EFCAB8: variants seen among roughly 807,000 people sequenced by gnomAD.
The protein encoded by EFCAB8 is EF-hand calcium binding domain 8.
Under a neutral mutation model 116.3 loss-of-function variants are expected in EFCAB8, and 100 were observed. That is an observed-to-expected ratio of 0.86 (90% CI 0.73 to 1.02). The LOEUF (loss-of-function observed/expected upper bound fraction) is 1.02, where lower values mean the gene tolerates loss of function less well. Ranked by LOEUF, EFCAB8 falls within the 50% of genes least tolerant of loss-of-function variation. EFCAB8 has a pLI of 0.00. For synonymous variants in EFCAB8, 558 were observed against 567.9 expected, an observed-to-expected ratio of 0.98 and a Z score of 0.25; for missense variants, 1,320 against 1,416.9, an observed-to-expected ratio of 0.93 and a Z score of 1.10.
rs117150601 is a variant in EFCAB8, at chr20:32,872,041, C to T, written c.209-3885C>T. On this transcript the variant is annotated intron_variant, in intron 3 of 26. Transcript: ENST00000400522. ...TGCTTAAGCACCTTGGCTGTAACTCCAGATAAACAAGATGGGTCCCTCTTT... is the reference window on the plus strand; with the variant it reads ...TGCTTAAGCACCTTGGCTGTAACTCTAGATAAACAAGATGGGTCCCTCTTT... Among the ~76,000 whole-genome samples, 8 of 152,302 alleles carry T rather than the reference C, an allele frequency of 5.3e-5. 1 individual carries two copies. The highest frequency in any genetic ancestry group is 1.2e-4 in the Non-Finnish European group (8 of 68,038).
chr20:32,904,438 C>T (rs1986576953), intron 11 of EFCAB8, among the ~76,000 whole-genome samples: 1 of 149,276 alleles, frequency 6.7e-6, no homozygotes, highest in Non-Finnish European at 1.5e-5. Context: ...GTATTTGGGA[C>T]TGCAGGTGCA....
At chr20:32,910,467 C>T (rs1309150907) in intron 15 of EFCAB8, among the ~76,000 whole-genome samples, 1 of 152,038 alleles carries the variant, frequency 6.6e-6, no homozygotes, top group Non-Finnish European at 1.5e-5. Flanking sequence ...CTGCCTGAGG[C>T]CCTCTGCTCA....
At chr20:32,954,647 G>A (rs1988907561) in intron 23 of EFCAB8, among the ~76,000 whole-genome samples, 1 of 152,112 alleles carries the variant, frequency 6.6e-6, no homozygotes, top group Non-Finnish European at 1.5e-5. Context: ...TAGAGATTTT[G>A]GCTTTTAATT....
At chr20:32,944,407 G>A (rs926446323) in intron 23 of EFCAB8, among the ~76,000 whole-genome samples, 5 of 152,110 alleles carry the variant, frequency 3.3e-5, no homozygotes, top group African/African-American at 1.2e-4. Context: ...AGAGGTTGCA[G>A]TGAGCTGAGA....
chr20:32,863,013 T>C, intron 1 of EFCAB8, among the ~76,000 whole-genome samples: 1 of 21,616 alleles, frequency 4.6e-5, no homozygotes, highest in African/African-American at 2.0e-4. Context: ...TGCTGCCAAT[T>C]TTTTTTTTTT....
intron 11 of EFCAB8, among the ~76,000 whole-genome samples, chr20:32,902,449 CAA>C (rs1986471929): frequency 6.6e-6 from 1 of 152,130 alleles, no homozygotes; most frequent in Non-Finnish European, 1.5e-5. Context: ...TCAAAAAAAA[CAA>C]AAGACTCCAT....
At position 32,912,782 on chromosome 20, in the gene EFCAB8, C is replaced by A; in HGVS notation, c.1786-12C>A. On this transcript the variant is annotated splice_polypyrimidine_tract_variant and intron_variant, in intron 16 of 26. Coordinates refer to ENST00000400522, the MANE Select transcript of EFCAB8 (RefSeq NM_001143967.2). ...TAAGTTTTCTAGTTCTGTTTTCTTT[C>A]ATCTTCAACAGATTAGTGGGATTAT... 1 of 718,536 alleles carries A rather than the reference C, an allele frequency of 1.4e-6. No homozygotes were observed. Among genetic ancestry groups the A allele is most frequent in the Non-Finnish European group, 2.6e-6 (1 of 385,066 alleles). 44.5% of individuals were successfully genotyped at this position (718,536 alleles called of 1,614,324 possible).
intron 7 of EFCAB8, among the ~76,000 whole-genome samples, chr20:32,890,093 C>T (rs562552569): frequency 1.3e-5 from 2 of 152,106 alleles, no homozygotes; most frequent in South Asian, 2.1e-4. Context: ...CTGCAGAAAG[C>T]CTTCACCCTA....
At position 32,909,915 on chromosome 20, in the gene EFCAB8, G is replaced by T; in HGVS notation, c.1541G>T (p.Ser514Ile). 8.0e-7 allele frequency: 1 copy of T among 1,249,784 alleles called. No individual in the cohort carries two copies. Among genetic ancestry groups the T allele is most frequent in the Non-Finnish European group, 1.0e-6 (1 of 988,218 alleles). The allele number at this position is 1,249,784 out of a possible 1,614,324, so 77.4% of individuals were successfully genotyped here. A position where few individuals can be genotyped will look rare whatever the true frequency, so the allele number is the denominator to read the frequency against. The change falls in exon 15 of 27, where the codon AGC becomes ATC. Residue 514 changes from serine to isoleucine, a missense_variant. Ser to Ile is a moderately radical substitution (Grantham distance 142). Transcript: ENST00000400522. ...HCSPLCAVLY[S>I]KIFKQVVSGC... The stretch of plus-strand genomic sequence containing the variant: ...TCACCCCTGTGTGCTGTCCTCTACA[G>T]CAAGATCTTTAAGCAGGTGAGTGGC...
intron 11 of EFCAB8, among the ~76,000 whole-genome samples, chr20:32,898,939 C>CACGT (rs1986294231): frequency 6.6e-6 from 1 of 152,192 alleles, no homozygotes; most frequent in Non-Finnish European, 1.5e-5. Flanking sequence ...GGTGTGAAAG[C>CACGT]ACGTACCTCA....
chr20:32,884,025 T>C (rs1985481893), intron 5 of EFCAB8, among the ~76,000 whole-genome samples: 1 of 152,180 alleles, frequency 6.6e-6, no homozygotes, highest in Non-Finnish European at 1.5e-5. Flanking sequence ...CGTGAGCCAC[T>C]CTGCCCGGTC....
At chr20:32,914,006 A>G (rs1425084025) in intron 17 of EFCAB8, among the ~76,000 whole-genome samples, 1 of 152,188 alleles carries the variant, frequency 6.6e-6, no homozygotes, top group Non-Finnish European at 1.5e-5. Flanking sequence ...TGGTGGCTCT[A>G]TGCCTGGGCC....
In EFCAB8 at chr20:32,891,300, T is replaced by G. The variant is rs147292754; in HGVS notation, c.674-913T>G. 2.9e-3 allele frequency among the ~76,000 whole-genome samples: 436 copies of G among 152,318 alleles called. 3 individuals are homozygous for G. The highest frequency in any genetic ancestry group is 9.8e-3 in the African/African-American group (409 of 41,568). On this transcript the variant is annotated intron_variant, in intron 7 of 26. Transcript: ENST00000400522. ...AAAATATTGAATTCTGGTTCGATGA[T>G]GGGCTGGACCTGGTCTGCTGGGCCC...
intron 22 of EFCAB8, among the ~76,000 whole-genome samples, chr20:32,939,127 CTTTCTTTCTTT>C (rs1568941475): frequency 0.057 from 1,984 of 34,508 alleles, 200 homozygotes; most frequent in African/African-American, 0.087. Context: ...CTTTCTTTCT[CTTTCTTTCTTT>C]CTTTCTTTCT....
Position 32,911,488 on chromosome 20 carries a change from T to A in EFCAB8, c.1566T>A (p.Ser522Arg). ...CTGTGTGCTCCCTACAGGTGGTGAGTGGCTGCCTGCGCGGCACAGTGAGTG... is the reference window on the plus strand; with the variant it reads ...CTGTGTGCTCCCTACAGGTGGTGAGAGGCTGCCTGCGCGGCACAGTGAGTG... ...LYSKIFKQVVSGCLRGTVSVW... is the reference protein window; with the variant it reads ...LYSKIFKQVVRGCLRGTVSVW... The change falls in exon 16 of 27, where the codon AGT (serine) becomes AGA (arginine). Residue 522 changes from serine (S) to arginine (R), a missense_variant. By Grantham distance (110) the Ser-to-Arg change is moderately radical. Transcript: ENST00000400522. 2.0e-6 allele frequency: 3 copies of A among 1,487,416 alleles called. No homozygotes were observed. In the African/African-American group the frequency reaches 4.2e-5, roughly 21 times the overall value. 92.1% of individuals were successfully genotyped at this position (1,487,416 alleles called of 1,614,324 possible). A position where few individuals can be genotyped will look rare whatever the true frequency, so the allele number is the denominator to read the frequency against.
At chr20:32,870,875 C>G (rs76428896) in intron 3 of EFCAB8, among the ~76,000 whole-genome samples, 2 of 141,284 alleles carry the variant, frequency 1.4e-5, no homozygotes, top group Admixed American at 1.4e-4. Context: ...TTTTTTTTTC[C>G]TGAAATGGAG....
In EFCAB8 at chr20:32,940,744, G is replaced by T. The variant is rs900245736; in HGVS notation, c.2791-2892G>T. 4.7e-5 allele frequency among the ~76,000 whole-genome samples: 7 copies of T among 149,942 alleles called. 1 individual carries two copies. The highest frequency in any genetic ancestry group is 1.0e-4 in the Non-Finnish European group (7 of 67,466). On this transcript the variant is annotated intron_variant, in intron 22 of 26. Coordinates refer to ENST00000400522, the MANE Select transcript of EFCAB8 (RefSeq NM_001143967.2). ...TAAAAATGATAAATAACCAAATTAA[G>T]ATACGGGTAAAGGATCTAAATAAAC... is the stretch of plus-strand genomic sequence containing the variant.
At chr20:32,872,559 G>T (rs190594199) in intron 3 of EFCAB8, among the ~76,000 whole-genome samples, 1,590 of 152,236 alleles carry the variant, frequency 0.01, 20 homozygotes, top group Non-Finnish European at 0.013. Flanking sequence ...ATCCCAGCGA[G>T]CTGAGGTGGG....
At chr20:32,935,153 C>CATT (rs1167358058) in intron 22 of EFCAB8, among the ~76,000 whole-genome samples, 4 of 137,896 alleles carry the variant, frequency 2.9e-5, no homozygotes, top group Admixed American at 2.2e-4. Flanking sequence ...ATGCTTTCTC[C>CATT]ATTTTCTCTT....
Sources: gnomAD v4.1 joint callset for allele counts (sites outside exome capture counted in the v4.1 genomes callset) on GRCh38, gnomAD v4.1.1 for gene constraint, MANE v1.5 for transcripts, NCBI Gene and HGNC (gene_info 2026-07-23, HGNC 2026-07-21) for gene names.